Variants in WNT16 observed in about 807,000 individuals in gnomAD.
WNT16 encodes the protein protein Wnt-16.
WNT16 carries 20 observed loss-of-function variants against 35.4 expected under a neutral mutation model. The observed-to-expected ratio is 0.56, with a 90% confidence interval of 0.40 to 0.82. The LOEUF (loss-of-function observed/expected upper bound fraction) is 0.82, where lower values mean the gene tolerates loss of function less well. Ranked by LOEUF, WNT16 falls within the 40% of genes least tolerant of loss-of-function variation. The pLI, the probability that WNT16 is intolerant of heterozygous loss-of-function variation, is 0.00. For synonymous variants in WNT16, 180 were observed against 179.2 expected (o/e 1.00, Z -0.03); for missense variants, 461 against 466.0 (o/e 0.99, Z 0.10).
At chr7:121,329,948 A>G in intron 2 of WNT16, 131 bp downstream of exon 2, 18 of 1,374,746 alleles carry the variant, frequency 1.3e-5, no homozygotes, top group Non-Finnish European at 1.5e-5. Context: ...CCTTTAGTGC[A>G]CGGGGATTGA....
At position 121,340,423 on chromosome 7, in the gene WNT16, T is replaced by C. The variant is rs952330243; in HGVS notation, c.*1078T>C. On this transcript the variant is annotated 3_prime_UTR_variant, in exon 4 of 4. Transcript: ENST00000222462. ...TTTTTTTTCATACTATTAATGCTAT[T>C]TTTTTGGACATCGAAGAGAATTTAA... 2 of 152,094 alleles carry C rather than the reference T, an allele frequency of 1.3e-5. No individual in the cohort carries two copies. The highest frequency in any genetic ancestry group is 4.8e-5 in the African/African-American group (2 of 41,432). The allele number at this position is 152,094 out of a possible 1,614,324, so 9.4% of individuals were successfully genotyped here.
intron 2 of WNT16, among the ~76,000 whole-genome samples, chr7:121,330,169 G>A (rs946150410): frequency 6.6e-6 from 1 of 152,192 alleles, no homozygotes; most frequent in Non-Finnish European, 1.5e-5. Context: ...GAAACATGAT[G>A]TCGGCAGCGG....
At position 121,338,905 on chromosome 7, in the gene WNT16, G is replaced by C; in HGVS notation, c.658G>C (p.Asp220His). The C allele has an allele frequency of 6.2e-7, 1 of 1,613,682 alleles. No homozygotes were observed. Among genetic ancestry groups the C allele is most frequent in the Non-Finnish European group, 8.5e-7 (1 of 1,179,816 alleles). Residue 220 changes from aspartate (D) to histidine (H), a missense_variant, in exon 4 of 4, where the codon GAC becomes CAC. By Grantham distance (81) the Asp-to-His change is moderately conservative (BLOSUM62 -1). Coordinates refer to ENST00000222462, the MANE Select transcript of WNT16 (RefSeq NM_057168.2). ...GGCTGTCGCCAAGTTGATGTCAGTA[G>C]ACTGCCGCTGCCACGGAGTTTCCGG... ...RQAVAKLMSV[D>H]CRCHGVSGSC...
chr7:121,335,513 T>C (rs991924479), intron 3 of WNT16, among the ~76,000 whole-genome samples: 1 of 152,060 alleles, frequency 6.6e-6, no homozygotes, highest in African/African-American at 2.4e-5. Flanking sequence ...GTTATAAACC[T>C]TAACAACTCA....
At chr7:121,330,600 C>G (rs1425699958) in intron 2 of WNT16, among the ~76,000 whole-genome samples, 1 of 151,992 alleles carries the variant, frequency 6.6e-6, no homozygotes, top group Non-Finnish European at 1.5e-5. Flanking sequence ...GTTCCCCCTC[C>G]GCCTTTGACC....
chr7:121,326,846 G>C (rs1317662445), upstream of WNT16, among the ~76,000 whole-genome samples: 1 of 151,932 alleles, frequency 6.6e-6, no homozygotes, highest in Non-Finnish European at 1.5e-5. Flanking sequence ...CCTAAAATCA[G>C]CCTAAGGTAT....
Position 121,329,635 on chromosome 7 carries a change from G to A in WNT16, c.164G>A (p.Arg55His). 6.2e-7 allele frequency: 1 copy of A among 1,614,208 alleles called. No homozygotes were observed. Among genetic ancestry groups the A allele is most frequent in the East Asian group, 2.2e-5 (1 of 44,870 alleles). The stretch of plus-strand genomic sequence containing the variant: ...TGCGCCAATTTGCCGCTGAACAGCC[G>A]CCAGAAGGAGCTGTGCAAGAGGAAA... The part of the protein sequence containing the change: ...LGCANLPLNS[R>H]QKELCKRKPY... The change falls in exon 2 of 4, where the codon CGC becomes CAC. Residue 55 changes from arginine (R) to histidine (H), a missense_variant. Transcript: ENST00000222462.
rs1793290537 is a variant in WNT16, at chr7:121,329,052, A to G, written c.-241A>G. ...AGGGGCGCTCCCGCATCTCCTGCAC[A>G]TCTCCACCCCTGCGCAGGAGGAGAT... On this transcript the variant is annotated 5_prime_UTR_variant, in exon 1 of 4. Coordinates refer to ENST00000222462, the MANE Select transcript of WNT16 (RefSeq NM_057168.2). The G allele has an allele frequency of 4.0e-6, 5 of 1,252,776 alleles. No homozygotes were observed. The highest frequency in any genetic ancestry group is 3.0e-5 in the East Asian group (1 of 33,282). 77.6% of individuals were successfully genotyped at this position (1,252,776 alleles called of 1,614,324 possible). A position where few individuals can be genotyped will look rare whatever the true frequency, so the allele number is the denominator to read the frequency against.
intron 3 of WNT16, among the ~76,000 whole-genome samples, chr7:121,336,762 A>ACT (rs1484320766): frequency 6.6e-6 from 1 of 152,204 alleles, no homozygotes; most frequent in Non-Finnish European, 1.5e-5. Context: ...ATGAGCGTCT[A>ACT]CTTTGTCCCT....
intron 3 of WNT16, 95 bp from the exon 4 acceptor site, chr7:121,338,786 G>T (rs1047585239): frequency 5.8e-6 from 6 of 1,036,332 alleles, no homozygotes; most frequent in Non-Finnish European, 8.3e-6. Context: ...AGAGGAAATA[G>T]ACCCAGAAAG....
Position 121,339,423 on chromosome 7 carries a change from C to T in WNT16, c.*78C>T, listed in dbSNP as rs181300392. ...AACCAGAGAGGTGCCCATCCCTGTGCAGCGCTAGTAAAGTTGACTCTTGCA... is the reference window on the plus strand; with the variant it reads ...AACCAGAGAGGTGCCCATCCCTGTGTAGCGCTAGTAAAGTTGACTCTTGCA... On this transcript the variant is annotated 3_prime_UTR_variant, in exon 4 of 4. Coordinates refer to ENST00000222462, the MANE Select transcript of WNT16 (RefSeq NM_057168.2). 281 of 1,349,668 alleles carry T rather than the reference C, an allele frequency of 2.1e-4. No homozygotes were observed. Among genetic ancestry groups the T allele is most frequent in the Non-Finnish European group, 2.5e-4 (247 of 985,600 alleles). The allele number at this position is 1,349,668 out of a possible 1,614,324, so 83.6% of individuals were successfully genotyped here. A position where few individuals can be genotyped will look rare whatever the true frequency, so the allele number is the denominator to read the frequency against.
At chr7:121,333,176 A>G (rs184717062) in intron 3 of WNT16, among the ~76,000 whole-genome samples, 246 of 152,188 alleles carry the variant, frequency 1.6e-3, no homozygotes, top group Non-Finnish European at 2.7e-3. Context: ...TTTGAAATAA[A>G]TAAAACAAAT....
At chr7:121,334,684 T>C (rs755199634) in intron 3 of WNT16, among the ~76,000 whole-genome samples, 38 of 152,226 alleles carry the variant, frequency 2.5e-4, no homozygotes, top group Non-Finnish European at 3.7e-4. Flanking sequence ...CCTTAAATAC[T>C]CTGATTCCCA....
rs1258677792 is a variant in WNT16 at position 121,331,829 on chromosome 7, G to A, written c.498G>A (p.Gly166=). ...CAGCAAGTGAAGGCTGGCACTGGGG[G>A]GGCTGCTCCGATGATGTCCAGTATG... ...GGSASEGWHW[G]GCSDDVQYGM... Residue 166 remains glycine (G), a synonymous_variant, in exon 3 of 4, where the codon GGG becomes GGA. Transcript: ENST00000222462. The A allele has an allele frequency of 5.6e-6, 9 of 1,614,146 alleles. No homozygotes were observed. The highest frequency in any genetic ancestry group is 7.6e-6 in the Non-Finnish European group (9 of 1,180,032).
At chr7:121,330,571 G>T (rs554532941) in intron 2 of WNT16, among the ~76,000 whole-genome samples, 3 of 152,016 alleles carry the variant, frequency 2.0e-5, no homozygotes, top group South Asian at 4.1e-4. Flanking sequence ...ATGCGCTGTC[G>T]TTTTTCATGT....
In WNT16 at chr7:121,339,111, T is replaced by G; in HGVS notation, c.864T>G (p.Asn288Lys). The change falls in exon 4 of 4, where the codon AAT becomes AAG. Residue 288 changes from asparagine (N) to lysine (K), a missense_variant. By Grantham distance (94) the Asn-to-Lys change is moderately conservative (BLOSUM62 0). Coordinates refer to ENST00000222462, the MANE Select transcript of WNT16 (RefSeq NM_057168.2). The part of the protein sequence containing the change: ...PIHKDDLLYV[N>K]KSPNYCVEDK... ...ATAAGGATGATCTGCTCTATGTTAA[T>G]AAGTCTCCCAACTACTGTGTAGAAG... The G allele has an allele frequency of 6.2e-7, 1 of 1,614,190 alleles. No individual in the cohort carries two copies. The highest frequency in any genetic ancestry group is 1.1e-5 in the South Asian group (1 of 91,088).
chr7:121,336,940 T>C (rs1430815028), intron 3 of WNT16, among the ~76,000 whole-genome samples: 1 of 152,220 alleles, frequency 6.6e-6, no homozygotes, highest in African/African-American at 2.4e-5. Context: ...GTTATGTTTT[T>C]AGTGTTCTTT....
rs1226893347 is a variant in WNT16 at position 121,329,153 on chromosome 7, C to A, written c.-140C>A. On this transcript the variant is annotated 5_prime_UTR_variant, in exon 1 of 4. The change creates a new upstream start codon in the 5' untranslated region. Transcript: ENST00000222462. ...AAGCTGCTGAGAGTCCCTATCACTG[C>A]TGGCCTTTTAATGTTGTATGCAAGG... 2 of 1,417,952 alleles carry A rather than the reference C, an allele frequency of 1.4e-6. No individual in the cohort carries two copies. Among genetic ancestry groups the A allele is most frequent in the Non-Finnish European group, 9.2e-7 (1 of 1,089,260 alleles). 87.8% of individuals were successfully genotyped at this position (1,417,952 alleles called of 1,614,324 possible).
intron 2 of WNT16, 125 bp downstream of exon 2, chr7:121,329,942 T>C (rs1793312714): frequency 1.4e-6 from 2 of 1,402,858 alleles, no homozygotes; most frequent in Non-Finnish European, 1.9e-6. Flanking sequence ...AGAAGCCCTT[T>C]AGTGCACGGG....
Sources: gnomAD v4.1 joint callset for allele counts (sites outside exome capture counted in the v4.1 genomes callset) on GRCh38, gnomAD v4.1.1 for gene constraint, MANE v1.5 for transcripts, NCBI Gene and HGNC (gene_info 2026-07-23, HGNC 2026-07-21) for gene names.